ZNF469: variants seen among roughly 807,000 people sequenced by gnomAD.
ZNF469 encodes the protein zinc finger protein 469.
A neutral mutation model predicts 1.0 loss-of-function variants in ZNF469; 1 was observed. The ratio of observed to expected loss-of-function variants is 1.00; its 90% confidence interval spans 0.35 to 4.73. ZNF469 has a LOEUF of 4.73. ZNF469 is among the 30% of genes most tolerant of loss of function. The pLI, the probability that ZNF469 is intolerant of heterozygous loss-of-function variation, is 0.16. For synonymous variants in ZNF469, 2,703 were observed against 2,363.4 expected, an observed-to-expected ratio of 1.14 and a Z score of -4.17; for missense variants, 6,100 against 5,356.3, an observed-to-expected ratio of 1.14 and a Z score of -4.33.
At chr16:88,279,038 G>T in the ZNF469 span, among the ~76,000 whole-genome samples, 1 of 126,686 alleles carries the variant, frequency 7.9e-6, no homozygotes, top group South Asian at 2.6e-4. Context: ...CCACGCCAAC[G>T]CTCAGTCAGT....
the ZNF469 span, among the ~76,000 whole-genome samples, chr16:88,239,336 G>A: frequency 6.6e-6 from 1 of 152,020 alleles, no homozygotes; most frequent in Non-Finnish European, 1.5e-5. Context: ...AGATGAAGAA[G>A]ATTCTTTAAG....
chr16:88,341,031 C>G, the ZNF469 span, among the ~76,000 whole-genome samples: 598 of 152,294 alleles, frequency 3.9e-3, 5 homozygotes, highest in Non-Finnish European at 7.0e-3. Context: ...CTCCTGGCCC[C>G]CTCCTGAGCC....
the ZNF469 span, among the ~76,000 whole-genome samples, chr16:88,251,547 T>TTTTTTG: frequency 1.7e-4 from 4 of 24,040 alleles, no homozygotes; most frequent in Non-Finnish European, 3.8e-4. Flanking sequence ...TCTTTTTTTT[T>TTTTTTG]TTTTTTTTTT....
chr16:88,374,452 A>G, the ZNF469 span, among the ~76,000 whole-genome samples: 2 of 152,208 alleles, frequency 1.3e-5, no homozygotes, highest in East Asian at 3.9e-4. Context: ...GCAGAGAAGA[A>G]GGGGCACTGA....
the ZNF469 span, among the ~76,000 whole-genome samples, chr16:88,165,706 C>T: frequency 2.0e-5 from 3 of 152,144 alleles, no homozygotes; most frequent in Non-Finnish European, 4.4e-5. Flanking sequence ...GCTGTGCAAA[C>T]CTCACCAGCA....
At chr16:88,148,447 A>T in the ZNF469 span, among the ~76,000 whole-genome samples, 1 of 152,138 alleles carries the variant, frequency 6.6e-6, no homozygotes, top group African/African-American at 2.4e-5. Flanking sequence ...CCACTCTGTG[A>T]GGTCTTTCTT....
At chr16:88,400,072 G>A (rs1012065335) in intron 1 of ZNF469, among the ~76,000 whole-genome samples, 1 of 152,246 alleles carries the variant, frequency 6.6e-6, no homozygotes, top group African/African-American at 2.4e-5. Context: ...GACGTGGGGT[G>A]AAGGGAGGCA....
chr16:88,301,735 C>G, the ZNF469 span, among the ~76,000 whole-genome samples: 15 of 152,340 alleles, frequency 9.8e-5, no homozygotes, highest in African/African-American at 3.4e-4. Context: ...CCGCCCAGCT[C>G]TCTTGTCCCT....
chr16:88,400,752 C>G (rs1426538906), intron 1 of ZNF469, among the ~76,000 whole-genome samples: 1 of 152,078 alleles, frequency 6.6e-6, no homozygotes, highest in Non-Finnish European at 1.5e-5. Flanking sequence ...GGTCCGCAAA[C>G]AGTCTATCTC....
chr16:88,311,917 A>G, the ZNF469 span, among the ~76,000 whole-genome samples: 1 of 152,248 alleles, frequency 6.6e-6, no homozygotes, highest in Non-Finnish European at 1.5e-5. Flanking sequence ...TGCTTGTATT[A>G]GTCCATTCTC....
the ZNF469 span, among the ~76,000 whole-genome samples, chr16:88,340,753 A>T: frequency 2.1e-5 from 1 of 46,548 alleles, no homozygotes; most frequent in Non-Finnish European, 3.8e-5. Context: ...AGCAGAGGGG[A>T]GGGTGGGTCA....
At chr16:88,374,718 A>ATGTGCGGTGGGCTGAGCTTGGCGCCG in the ZNF469 span, among the ~76,000 whole-genome samples, 2 of 151,526 alleles carry the variant, frequency 1.3e-5, no homozygotes, top group African/African-American at 2.4e-5. Context: ...GCTCAGCACC[A>ATGTGCGGTGGGCTGAGCTTGGCGCCG]TGTGCGGTGG....
the ZNF469 span, among the ~76,000 whole-genome samples, chr16:88,366,522 C>A: frequency 6.7e-6 from 1 of 150,294 alleles, no homozygotes; most frequent in East Asian, 2.0e-4. Flanking sequence ...TCATCATTAT[C>A]ACCATCATCA....
chr16:88,204,478 C>T, the ZNF469 span, among the ~76,000 whole-genome samples: 4 of 152,248 alleles, frequency 2.6e-5, no homozygotes, highest in South Asian at 4.1e-4. Flanking sequence ...TGGCCAGCAC[C>T]GCTAGGCCCT....
chr16:88,368,247 C>T, the ZNF469 span, among the ~76,000 whole-genome samples: 5 of 152,346 alleles, frequency 3.3e-5, 1 homozygote, highest in East Asian at 9.6e-4. Flanking sequence ...GTCACAGCCT[C>T]CACAGAACCC....
At chr16:88,194,918 C>G in the ZNF469 span, 3 of 152,270 alleles carry the variant, frequency 2.0e-5, no homozygotes, top group African/African-American at 7.2e-5. Flanking sequence ...CGTCGCTGTC[C>G]CAGGGAACGG....
chr16:88,375,304 G>A, the ZNF469 span, among the ~76,000 whole-genome samples: 2 of 152,244 alleles, frequency 1.3e-5, no homozygotes, highest in African/African-American at 4.8e-5. Flanking sequence ...CAAGGATGGG[G>A]AAACTGAGGC....
chr16:88,108,733 G>T, the ZNF469 span, among the ~76,000 whole-genome samples: 1 of 152,164 alleles, frequency 6.6e-6, no homozygotes, highest in Non-Finnish European at 1.5e-5. Flanking sequence ...GGGGGGCCAC[G>T]CATGTGTTTG....
At chr16:88,203,045 C>CG in the ZNF469 span, among the ~76,000 whole-genome samples, 1 of 151,972 alleles carries the variant, frequency 6.6e-6, no homozygotes, top group Non-Finnish European at 1.5e-5. Context: ...CAAATCGGAG[C>CG]GGGGGCGGGG....
Sources: allele counts gnomAD v4.1 joint callset (sites outside exome capture counted in the v4.1 genomes callset), GRCh38; gene constraint gnomAD v4.1.1; transcripts MANE v1.5; gene names NCBI Gene and HGNC (gene_info 2026-07-23, HGNC 2026-07-21).